The following KIF27 variants were observed in gnomAD, a reference collection of about 807,000 sequenced individuals.
KIF27 encodes the protein kinesin-like protein KIF27.
Under a neutral mutation model 141.8 loss-of-function variants are expected in KIF27, and 84 were observed. The ratio of observed to expected loss-of-function variants is 0.59; its 90% CI spans 0.50 to 0.71. The LOEUF (loss-of-function observed/expected upper bound fraction) is 0.71. Ranked by LOEUF, KIF27 falls within the 30% of genes least tolerant of loss-of-function variation. The pLI, the probability that KIF27 is intolerant of heterozygous loss-of-function variation, is 0.00. For synonymous variants in KIF27, 471 were observed against 569.5 expected, an observed-to-expected ratio of 0.83 and a Z score of 2.46; for missense variants, 1,306 against 1,628.4, an observed-to-expected ratio of 0.80 and a Z score of 3.41.
At chr9:83,917,159 T>C (rs1043509461) in intron 1 of KIF27, among the ~76,000 whole-genome samples, 7 of 137,050 alleles carry the variant, frequency 5.1e-5, no homozygotes, top group African/African-American at 1.4e-4. Flanking sequence ...CAAGCCCCAA[T>C]GTGTGATGTT....
At chr9:83,918,287 G>T (rs1309597703) in intron 1 of KIF27, among the ~76,000 whole-genome samples, 2 of 129,938 alleles carry the variant, frequency 1.5e-5, no homozygotes, top group Non-Finnish European at 3.1e-5. Flanking sequence ...GCAAGAACTT[G>T]TCTCAAAGAG....
chr9:83,910,576 C>T (rs568819767), intron 2 of KIF27, among the ~76,000 whole-genome samples: 2 of 152,272 alleles, frequency 1.3e-5, no homozygotes, highest in African/African-American at 2.4e-5. Flanking sequence ...AAGACAGGGA[C>T]GTAAGCCAGA....
intron 15 of KIF27, among the ~76,000 whole-genome samples, chr9:83,850,830 CTTTTTTTTTTTTT>C (rs202212264): frequency 7.4e-5 from 5 of 67,504 alleles, no homozygotes; most frequent in African/African-American, 1.9e-4. Context: ...ATGACATTTT[CTTTTTTTTTTTTT>C]TTTTTTTTTT....
chr9:83,837,692 TCA>T (rs1211742505), intron 17 of KIF27: 6 of 445,362 alleles, frequency 1.3e-5, no homozygotes, highest in Non-Finnish European at 2.4e-5. Context: ...TGTGAATAAC[TCA>T]CAACTTTAAT....
chr9:83,880,461 G>A lies in KIF27; in HGVS notation c.2479C>T (p.Leu827=), dbSNP rs750140794. The A allele has an allele frequency of 4.3e-6, 7 of 1,612,388 alleles. No individual in the cohort carries two copies. In the Middle Eastern group the frequency reaches 5.0e-4, roughly 114 times the overall value. ...TCATTTTGGATTGACAGTGATGCCA[G>A]TTTCTTACTATCTTGTTGCTTCTTC... ...LQKKQQDSKK[L]ASLSIQNEKR... The change falls in exon 11 of 18, where the codon CTG becomes TTG. Residue 827 remains leucine, a synonymous_variant. Coordinates refer to ENST00000297814, the MANE Select transcript of KIF27 (RefSeq NM_017576.4).
chr9:83,867,375 GATCTATCT>G (rs113545887), intron 13 of KIF27, among the ~76,000 whole-genome samples: 3 of 147,928 alleles, frequency 2.0e-5, no homozygotes, highest in Admixed American at 6.7e-5. Context: ...TACAGAGATA[GATCTATCT>G]ATCTATCTAT....
At chr9:83,871,819 G>A (rs1409493750) in intron 11 of KIF27, among the ~76,000 whole-genome samples, 1 of 151,800 alleles carries the variant, frequency 6.6e-6, no homozygotes, top group African/African-American at 2.4e-5. Context: ...CTCCTGAGTA[G>A]CTGGTATTAT....
chr9:83,865,368 G>T (rs1191010326), intron 13 of KIF27, among the ~76,000 whole-genome samples: 1 of 152,032 alleles, frequency 6.6e-6, no homozygotes, highest in East Asian at 1.9e-4. Flanking sequence ...CATGGTCTCG[G>T]CTCACTGCAA....
At chr9:83,845,555 T>G (rs1267550088) in intron 16 of KIF27, among the ~76,000 whole-genome samples, 1 of 152,180 alleles carries the variant, frequency 6.6e-6, no homozygotes, top group Non-Finnish European at 1.5e-5. Context: ...GACTAGGGCC[T>G]GGTTCACAGA....
chr9:83,867,998 G>A lies in KIF27; in HGVS notation c.2758-138C>T, dbSNP rs181189788. 1.4e-4 allele frequency: 127 copies of A among 897,140 alleles called. No individual in the cohort carries two copies. The Middle Eastern group carries it at 2.4e-3, about 17-fold the overall frequency. The allele number at this position is 897,140 out of a possible 1,614,324, so 55.6% of individuals were successfully genotyped here. Reference sequence around the variant, plus strand: ...ATCACTCAGAGTAACTCAGGTAGCCGTCTGAGATCCTAAAGACATCAGTGG... The same window carrying A: ...ATCACTCAGAGTAACTCAGGTAGCCATCTGAGATCCTAAAGACATCAGTGG... On this transcript the variant is annotated intron_variant, in intron 12 of 17. Coordinates refer to ENST00000297814, the MANE Select transcript of KIF27 (RefSeq NM_017576.4).
intron 16 of KIF27, among the ~76,000 whole-genome samples, chr9:83,843,698 A>T (rs73463303): frequency 4.6e-5 from 7 of 152,192 alleles, no homozygotes; most frequent in African/African-American, 1.7e-4. Flanking sequence ...ATTGTCAGTT[A>T]TAACTTTGTT....
intron 1 of KIF27, among the ~76,000 whole-genome samples, chr9:83,918,489 C>T (rs919974773): frequency 1.3e-5 from 2 of 152,046 alleles, no homozygotes; most frequent in African/African-American, 4.8e-5. Flanking sequence ...GAACTTGCAA[C>T]TAGAATATAT....
intron 13 of KIF27, among the ~76,000 whole-genome samples, chr9:83,861,337 A>G (rs1374032610): frequency 9.8e-6 from 1 of 101,548 alleles, no homozygotes; most frequent in Non-Finnish European, 2.0e-5. Flanking sequence ...CCCTTCCCCC[A>G]CCCCACAACA....
At position 83,914,012 on chromosome 9, in the gene KIF27, C is replaced by T. The variant is rs546535877; in HGVS notation, c.298+1282G>A. Among the ~76,000 whole-genome samples the T allele has an allele frequency of 2.0e-5, 3 of 151,840 alleles. No individual in the cohort carries two copies. In the East Asian group the frequency reaches 5.8e-4, roughly 29 times the overall value. On this transcript the variant is annotated intron_variant, in intron 2 of 17. Transcript: ENST00000297814. ...CCTCTATTTCTTCTGATAGAGGGAA[C>T]TTTAGAGCAATTAAAATATGTTAGG...
chr9:83,839,640 G>A (rs1304019359), intron 17 of KIF27, among the ~76,000 whole-genome samples: 1 of 152,146 alleles, frequency 6.6e-6, no homozygotes, highest in Non-Finnish European at 1.5e-5. Context: ...TATAATTCTT[G>A]TAGGCAGTCT....
At chr9:83,912,373 T>C (rs574738194) in intron 2 of KIF27, among the ~76,000 whole-genome samples, 1 of 152,310 alleles carries the variant, frequency 6.6e-6, no homozygotes, top group Admixed American at 6.5e-5. Context: ...AAGACTGCCA[T>C]CATGTGGCAA....
rs771170604 is a variant in KIF27 at position 83,908,627 on chromosome 9, ACCCT to A, written c.320_323del (p.Lys107IlefsTer24). On this transcript the variant is annotated frameshift_variant, in exon 3 of 18. Coordinates refer to ENST00000297814, the MANE Select transcript of KIF27 (RefSeq NM_017576.4). LOFTEE classifies it high-confidence loss of function. The stretch of plus-strand genomic sequence containing the variant: ...TTTCTTGAATAGCTCGAGGAATGAT[ACCCT>A]TTTGGCCCTCCACAACTGAAGCTGA... 1.9e-6 allele frequency: 3 copies of A among 1,610,280 alleles called. No individual in the cohort carries two copies. The African/African-American group carries it at 4.0e-5, about 22-fold the overall frequency.
Position 83,870,630 on chromosome 9 carries a change from T to G in KIF27, c.2646A>C (p.Glu882Asp). Residue 882 changes from glutamate to aspartate, a missense_variant and splice_region_variant, in exon 12 of 18, where the codon GAA becomes GAC. Physicochemically the swap from Glu to Asp is conservative, Grantham distance 45. Coordinates refer to ENST00000297814, the MANE Select transcript of KIF27 (RefSeq NM_017576.4). Reference protein sequence around the residue: ...VIKRDQQKIKEIQLKTGQEEG... With the variant: ...VIKRDQQKIKDIQLKTGQEEG... ...CTTCCTGTCCTGTTTTTAATTGTAT[T>G]TCCTATAGAAAAAGAAATTGAAAAC... is the stretch of plus-strand genomic sequence containing the variant. 9.9e-6 allele frequency: 16 copies of G among 1,613,766 alleles called. No homozygotes were observed. The highest frequency in any genetic ancestry group is 1.2e-5 in the Non-Finnish European group (14 of 1,179,800).
chr9:83,869,962 A>T (rs751876353), intron 12 of KIF27, among the ~76,000 whole-genome samples: 2 of 152,218 alleles, frequency 1.3e-5, no homozygotes, highest in Non-Finnish European at 2.9e-5. Flanking sequence ...TAGAAGCCCA[A>T]ATCTTAGCAT....
Sources: gnomAD v4.1 joint callset for allele counts (sites outside exome capture counted in the v4.1 genomes callset) on GRCh38, gnomAD v4.1.1 for gene constraint, MANE v1.5 for transcripts, NCBI Gene and HGNC (gene_info 2026-07-23, HGNC 2026-07-21) for gene names.